The following ARHGEF28 variants were observed in gnomAD, a reference collection of about 807,000 sequenced individuals.
ARHGEF28 encodes 190 kDa guanine nucleotide exchange factor.
ARHGEF28 carries 152 observed loss-of-function variants against 206.6 expected under a neutral mutation model. The ratio of observed to expected loss-of-function variants is 0.74; its 90% confidence interval spans 0.64 to 0.84. ARHGEF28 has a LOEUF of 0.84. Ranked by LOEUF, ARHGEF28 falls within the 40% of genes least tolerant of loss-of-function variation. The pLI is 0.00. For synonymous variants in ARHGEF28, 763 were observed against 776.4 expected, an observed-to-expected ratio of 0.98 and a Z score of 0.29; for missense variants, 2,028 against 2,073.2, an observed-to-expected ratio of 0.98 and a Z score of 0.42.
At chr5:73,791,079 A>T (rs1367225243) in intron 7 of ARHGEF28, among the ~76,000 whole-genome samples, 1 of 152,242 alleles carries the variant, frequency 6.6e-6, no homozygotes, top group African/African-American at 2.4e-5. Context: ...GTCCTGATCC[A>T]CAGCTTGTCT....
intron 9 of ARHGEF28, among the ~76,000 whole-genome samples, chr5:73,821,031 G>A (rs1420164288): frequency 6.6e-6 from 1 of 152,060 alleles, no homozygotes; most frequent in African/African-American, 2.4e-5. Context: ...GAAATCACTT[G>A]TCTCATCTAC....
chr5:73,644,730 T>C (rs148536304), intron 1 of ARHGEF28, among the ~76,000 whole-genome samples: 182 of 152,322 alleles, frequency 1.2e-3, no homozygotes, highest in African/African-American at 3.9e-3. Flanking sequence ...CTAGCTTCTG[T>C]TGCTAGTCAT....
At chr5:73,784,731 G>GT (rs1282984603) in intron 7 of ARHGEF28, among the ~76,000 whole-genome samples, 3 of 152,066 alleles carry the variant, frequency 2.0e-5, no homozygotes, top group East Asian at 1.9e-4. Context: ...TATATACTAT[G>GT]TTTTTTTCTA....
intron 6 of ARHGEF28, among the ~76,000 whole-genome samples, chr5:73,777,569 C>G (rs555744546): frequency 6.6e-6 from 1 of 152,092 alleles, no homozygotes; most frequent in Non-Finnish European, 1.5e-5. Flanking sequence ...ATGAGTTAGC[C>G]AAAAACATTA....
At chr5:73,817,738 G>A (rs887377782) in intron 9 of ARHGEF28, among the ~76,000 whole-genome samples, 2 of 152,160 alleles carry the variant, frequency 1.3e-5, no homozygotes, top group Non-Finnish European at 2.9e-5. Context: ...CTAATAAATG[G>A]CAGAGCCAGG....
chr5:73,646,299 G>A (rs1004658021), intron 1 of ARHGEF28, among the ~76,000 whole-genome samples: 2 of 152,026 alleles, frequency 1.3e-5, no homozygotes, highest in Admixed American at 1.3e-4. Flanking sequence ...CTTCAATCTG[G>A]CCTCCTGAAA....
chr5:73,925,219 G>T (rs1478895188), intron 35 of ARHGEF28, among the ~76,000 whole-genome samples: 1 of 152,118 alleles, frequency 6.6e-6, no homozygotes, highest in East Asian at 1.9e-4. Context: ...CACAGGAGGC[G>T]ATACGCTTGC....
At chr5:73,767,098 T>G (rs1042626311) in intron 4 of ARHGEF28, among the ~76,000 whole-genome samples, 4 of 152,218 alleles carry the variant, frequency 2.6e-5, no homozygotes, top group African/African-American at 9.6e-5. Flanking sequence ...GCCGCCACCA[T>G]GTAAGAAGTG....
chr5:73,932,023 G>A (rs1302493060), intron 35 of ARHGEF28, among the ~76,000 whole-genome samples: 2 of 152,196 alleles, frequency 1.3e-5, no homozygotes, highest in African/African-American at 4.8e-5. Flanking sequence ...CGTAAATGGT[G>A]AAGCTTTTGG....
chr5:73,880,208 C>T (rs1210439439), intron 22 of ARHGEF28, among the ~76,000 whole-genome samples: 2 of 152,194 alleles, frequency 1.3e-5, no homozygotes, highest in Admixed American at 6.5e-5. Flanking sequence ...AGCGAGACTC[C>T]GTGGGTGTAG....
At chr5:73,715,344 G>A (rs571422837) in intron 2 of ARHGEF28, among the ~76,000 whole-genome samples, 1 of 152,272 alleles carries the variant, frequency 6.6e-6, no homozygotes, top group South Asian at 2.1e-4. Flanking sequence ...AGGACCCTGG[G>A]CCTTTTTGTC....
chr5:73,679,506 G>T (rs935942731), intron 1 of ARHGEF28, among the ~76,000 whole-genome samples: 1 of 150,568 alleles, frequency 6.6e-6, no homozygotes, highest in Non-Finnish European at 1.5e-5. Context: ...GGCAAAGTTT[G>T]CAGTGAGCTG....
At chr5:73,878,221 G>A (rs1208431568) in intron 22 of ARHGEF28, among the ~76,000 whole-genome samples, 2 of 149,248 alleles carry the variant, frequency 1.3e-5, no homozygotes, top group East Asian at 3.9e-4. Context: ...TTTAAAGTCT[G>A]TTTTATCCGA....
rs144150128 is a variant in ARHGEF28 at position 73,855,408 on chromosome 5, A to G, written c.1791-2248A>G. Among the ~76,000 whole-genome samples the G allele has an allele frequency of 1.9e-4, 29 of 152,292 alleles. No individual in the cohort carries two copies. The East Asian group carries it at 5.6e-3, about 29-fold the overall frequency. ...AGCATTTTTATGTTTACACTGTTAT[A>G]TCTCAGGTCTTATCAACCTCAGCTT... On this transcript the variant is annotated intron_variant, in intron 14 of 35. Transcript: ENST00000513042.
At chr5:73,852,176 T>A (rs1758744108) in intron 13 of ARHGEF28, among the ~76,000 whole-genome samples, 1 of 152,228 alleles carries the variant, frequency 6.6e-6, no homozygotes. Flanking sequence ...AACTTGCTGC[T>A]GCTAGGATTT....
chr5:73,711,972 A>G (rs936386082), intron 2 of ARHGEF28, among the ~76,000 whole-genome samples: 34 of 151,618 alleles, frequency 2.2e-4, no homozygotes, highest in African/African-American at 7.8e-4. Flanking sequence ...TTTTCCTTCT[A>G]GTTTACTGAG....
intron 9 of ARHGEF28, chr5:73,813,425 C>CA: frequency 7.3e-7 from 1 of 1,377,444 alleles, no homozygotes; most frequent in Non-Finnish European, 9.5e-7. Context: ...CCGAAGGAAG[C>CA]AAAACATTTA....
chr5:73,899,765 T>C (rs1338276394), intron 30 of ARHGEF28: 1 of 152,224 alleles, frequency 6.6e-6, no homozygotes, highest in African/African-American at 2.4e-5. Flanking sequence ...CTATTTTCAG[T>C]CTTCAGTATA....
chr5:73,711,420 C>T (rs78431844), intron 2 of ARHGEF28, among the ~76,000 whole-genome samples: 2,750 of 152,116 alleles, frequency 0.018, 82 homozygotes, highest in African/African-American at 0.063. Flanking sequence ...TTGGGAAAAA[C>T]TAAAATCTTA....
Sources: gnomAD v4.1 joint callset for allele counts (sites outside exome capture counted in the v4.1 genomes callset) on GRCh38, gnomAD v4.1.1 for gene constraint, MANE v1.5 for transcripts, NCBI Gene and HGNC (gene_info 2026-07-23, HGNC 2026-07-21) for gene names.